The following TRIOBP variants were observed in gnomAD, a reference collection of about 807,000 sequenced individuals.
TRIOBP encodes TRIO and F-actin binding protein, also known as TRIO and F-actin-binding protein.
In TRIOBP, 169 loss-of-function variants were observed where a neutral mutation model predicts 238.8. That is an observed-to-expected ratio of 0.71 (90% CI 0.62 to 0.80). TRIOBP has a LOEUF of 0.80. TRIOBP is among the 30% of genes least tolerant of loss of function. The pLI is 0.00. For synonymous variants in TRIOBP, 1,150 were observed against 1,274.4 expected, an observed-to-expected ratio of 0.90 and a Z score of 2.08; for missense variants, 2,838 against 3,122.6, an observed-to-expected ratio of 0.91 and a Z score of 2.17.
intron 9 of TRIOBP, among the ~76,000 whole-genome samples, chr22:37,737,824 A>G (rs1463716889): frequency 2.6e-5 from 4 of 152,106 alleles, no homozygotes; most frequent in African/African-American, 9.7e-5. Flanking sequence ...ACGCCTGTTC[A>G]TTGTCGAAGT....
intron 17 of TRIOBP, among the ~76,000 whole-genome samples, chr22:37,765,363 C>T (rs560302808): frequency 2.6e-5 from 4 of 152,154 alleles, no homozygotes; most frequent in Non-Finnish European, 5.9e-5. Context: ...GTGCTGCAAC[C>T]GTAACTGTGA....
At chr22:37,746,311 G>A in intron 11 of TRIOBP, 1 of 1,130,632 alleles carries the variant, frequency 8.8e-7, no homozygotes, top group Non-Finnish European at 1.1e-6. Context: ...GCGGCCGAGA[G>A]GGGCGGCGGC....
At position 37,710,707 on chromosome 22, in the gene TRIOBP, C is replaced by T. The variant is rs527702706; in HGVS notation, c.254+141C>T. ...ACGTGGTCAGTCCTCTAAACCTAGG[C>T]ACAGGTGGGTGGTGGGCATGCTCCT... On this transcript the variant is annotated intron_variant, in intron 4 of 23. Transcript: ENST00000644935. The T allele has an allele frequency of 2.2e-5, 26 of 1,208,962 alleles. No individual in the cohort carries two copies. In the African/African-American group the frequency reaches 3.9e-4, roughly 18 times the overall value. The allele number at this position is 1,208,962 out of a possible 1,614,324, so 74.9% of individuals were successfully genotyped here. A position where few individuals can be genotyped will look rare whatever the true frequency, so the allele number is the denominator to read the frequency against.
intron 6 of TRIOBP, among the ~76,000 whole-genome samples, chr22:37,717,725 A>C (rs1473657950): frequency 6.6e-6 from 1 of 152,204 alleles, no homozygotes. Flanking sequence ...TCCCTTAGCT[A>C]GACATAAAGG....
At chr22:37,706,276 A>G (rs540471419) in intron 3 of TRIOBP, among the ~76,000 whole-genome samples, 6 of 152,232 alleles carry the variant, frequency 3.9e-5, no homozygotes, top group African/African-American at 7.2e-5. Context: ...TCAGAGCCAG[A>G]CCATCACAGG....
Position 37,734,656 on chromosome 22 carries a change from T to TA in TRIOBP, c.4321dup (p.Arg1441LysfsTer61). 6.3e-7 allele frequency: 1 copy of TA among 1,597,264 alleles called. No individual in the cohort carries two copies. The highest frequency in any genetic ancestry group is 8.5e-7 in the Non-Finnish European group (1 of 1,172,594). On this transcript the variant is annotated frameshift_variant, in exon 9 of 24. Transcript: ENST00000644935. LOFTEE classifies it high-confidence loss of function. ...AACCGCCAGGGTCCCAGGGCCCTCA[T>TA]AGACACCTAGAAAGGAGCTGGAGCA... is the stretch of plus-strand genomic sequence containing the variant.
intron 11 of TRIOBP, among the ~76,000 whole-genome samples, chr22:37,745,739 T>C (rs1925189271): frequency 1.3e-5 from 2 of 152,164 alleles, no homozygotes. Context: ...CCCAAGTCTG[T>C]GGTGAGGACG....
intron 17 of TRIOBP, chr22:37,759,601 G>A (rs1926136190): frequency 1.3e-6 from 2 of 1,561,044 alleles, no homozygotes; most frequent in African/African-American, 2.7e-5. Flanking sequence ...CCTTGCCCCG[G>A]GGAAGTGGGG....
At chr22:37,759,747 G>A (rs1052352578) in intron 17 of TRIOBP, 1 of 1,432,390 alleles carries the variant, frequency 7.0e-7, no homozygotes, top group African/African-American at 1.4e-5. Flanking sequence ...GTCCGCCTAG[G>A]ACAGCGGTTC....
At chr22:37,709,451 C>T (rs1923119880) in intron 3 of TRIOBP, among the ~76,000 whole-genome samples, 1 of 152,238 alleles carries the variant, frequency 6.6e-6, no homozygotes. Context: ...GTTTCCACTG[C>T]CTCGGCGGCT....
intron 5 of TRIOBP, among the ~76,000 whole-genome samples, chr22:37,715,050 T>C (rs934003417): frequency 6.6e-6 from 1 of 152,214 alleles, no homozygotes. Flanking sequence ...AGTCTTGCTC[T>C]GTCACCTGGG....
At position 37,738,648 on chromosome 22, in the gene TRIOBP, C is replaced by T. The variant is rs538544680; in HGVS notation, c.5113C>T (p.Pro1705Ser). The T allele has an allele frequency of 1.5e-5, 24 of 1,613,780 alleles. No individual in the cohort carries two copies. In the East Asian group the frequency reaches 5.3e-4, roughly 36 times the overall value. Residue 1705 changes from proline to serine, a missense_variant, in exon 10 of 24, where the codon CCA becomes TCA. Coordinates refer to ENST00000644935, the MANE Select transcript of TRIOBP (RefSeq NM_001039141.3). ...TTCTTTTTTTAATCTCCAGTTCCAACCAGAGGAGCCTGAGGAGTCAGAACC... is the reference window on the plus strand; with the variant it reads ...TTCTTTTTTTAATCTCCAGTTCCAATCAGAGGAGCCTGAGGAGTCAGAACC... Reference protein sequence around the residue: ...GPSLPELQFQPEEPEESEPSR... With the variant: ...GPSLPELQFQSEEPEESEPSR...
At chr22:37,713,144 A>C in intron 4 of TRIOBP, 66 bp from the exon 5 acceptor site, 2 of 1,440,000 alleles carry the variant, frequency 1.4e-6, no homozygotes, top group Non-Finnish European at 1.9e-6. Context: ...GTGAGTGCAT[A>C]TGCCTGGGTG....
rs757746913 is a variant in TRIOBP, at chr22:37,723,850, T to A, written c.1294T>A (p.Cys432Ser). 1 of 1,592,838 alleles carries A rather than the reference T, an allele frequency of 6.3e-7. No homozygotes were observed. The highest frequency in any genetic ancestry group is 1.7e-5 in the Admixed American group (1 of 58,538). Reference sequence around the variant, plus strand: ...CACACGAGACAACCCCAGAACATCCTGCGCCCAGCGGGACAATCCCAGAGC... The same window carrying A: ...CACACGAGACAACCCCAGAACATCCAGCGCCCAGCGGGACAATCCCAGAGC... ...RATRDNPRTS[C>S]AQRDNPRASS... is the part of the protein sequence containing the mutation. Residue 432 changes from cysteine to serine, a missense_variant, in exon 7 of 24, where the codon TGC becomes AGC. Around this residue, in one of 5 missense-constraint regions of TRIOBP, gnomAD observed 26 missense variants for 49.3 expected, o/e 0.53. Transcript: ENST00000644935.
chr22:37,711,829 G>T (rs1034924372), intron 4 of TRIOBP, among the ~76,000 whole-genome samples: 2 of 152,046 alleles, frequency 1.3e-5, no homozygotes, highest in Non-Finnish European at 2.9e-5. Context: ...TATTATCATC[G>T]TGTAGGCCAG....
At position 37,738,766 on chromosome 22, in the gene TRIOBP, G is replaced by A. The variant is rs1924804666; in HGVS notation, c.5184+47G>A. ...GTACATACGGTGGGGAAGGGAGGGGGAAGCAGGTTGGAGATGGGCTTCATT... is the reference window on the plus strand; with the variant it reads ...GTACATACGGTGGGGAAGGGAGGGGAAAGCAGGTTGGAGATGGGCTTCATT... On this transcript the variant is annotated intron_variant, in intron 10 of 23. Transcript: ENST00000644935. 2.5e-6 allele frequency: 4 copies of A among 1,595,802 alleles called. No homozygotes were observed. In the South Asian group the frequency reaches 4.4e-5, roughly 18 times the overall value.
chr22:37,753,579 A>G (rs1925745309), intron 12 of TRIOBP, among the ~76,000 whole-genome samples: 1 of 152,182 alleles, frequency 6.6e-6, no homozygotes, highest in Non-Finnish European at 1.5e-5. Context: ...GCGCCCAGCT[A>G]TAGGGACTTC....
intron 21 of TRIOBP, 36 bp downstream of exon 21, chr22:37,769,411 T>C: frequency 6.5e-7 from 1 of 1,541,188 alleles, no homozygotes; most frequent in Non-Finnish European, 8.7e-7. Context: ...AGCCCAGTGG[T>C]TCTCGGGGCC....
At chr22:37,749,356 TAAAGC>T (rs1218871185) in intron 11 of TRIOBP, among the ~76,000 whole-genome samples, 6 of 151,458 alleles carry the variant, frequency 4.0e-5, no homozygotes, top group African/African-American at 1.5e-4. Context: ...GTCTCAAAAA[TAAAGC>T]AAGCCACCTG....
Sources: allele counts gnomAD v4.1 joint callset (sites outside exome capture counted in the v4.1 genomes callset), GRCh38; gene constraint gnomAD v4.1.1; regional missense constraint gnomAD v4.1.1; transcripts MANE v1.5; gene names NCBI Gene and HGNC (gene_info 2026-07-23, HGNC 2026-07-21).